Variants in PTPRT observed in about 807,000 individuals in gnomAD.
PTPRT encodes receptor-type tyrosine-protein phosphatase T.
Under a neutral mutation model 176.8 loss-of-function variants are expected in PTPRT, and 56 were observed. The ratio of observed to expected loss-of-function variants is 0.32; its 90% CI spans 0.26 to 0.40. The LOEUF is 0.40. Ranked by LOEUF, PTPRT falls within the 10% of genes least tolerant of loss-of-function variation. The pLI is 1.00. For synonymous variants in PTPRT, 783 were observed against 739.0 expected (o/e 1.06, Z -0.96); for missense variants, 1,540 against 1,908.2 (o/e 0.81, Z 3.60).
intron 15 of PTPRT, among the ~76,000 whole-genome samples, chr20:42,227,635 T>C (rs1349018969): frequency 7.5e-6 from 1 of 133,216 alleles, no homozygotes; most frequent in African/African-American, 2.9e-5. Flanking sequence ...TGAGACGGAG[T>C]TCACTCTTGT....
intron 1 of PTPRT, among the ~76,000 whole-genome samples, chr20:43,123,853 G>T (rs2013352945): frequency 1.3e-5 from 2 of 152,284 alleles, no homozygotes; most frequent in African/African-American, 4.8e-5. Context: ...AGTTCCTGAG[G>T]CTCGGTTTCC....
At chr20:42,518,864 C>G (rs752545304) in intron 7 of PTPRT, among the ~76,000 whole-genome samples, 2 of 152,136 alleles carry the variant, frequency 1.3e-5, no homozygotes, top group African/African-American at 2.4e-5. Flanking sequence ...CTTGCTTTCA[C>G]TATACCCTGT....
Position 42,448,276 on chromosome 20 carries a change from T to G in PTPRT, c.1504A>C (p.Ile502Leu). The G allele has an allele frequency of 6.2e-7, 1 of 1,613,646 alleles. No individual in the cohort carries two copies. Among genetic ancestry groups the G allele is most frequent in the African/African-American group, 1.3e-5 (1 of 75,002 alleles). ...TTGGGAGGTTTCCACTGGATGTAGA[T>G]CTTCTCCTCAAAGGGCCCCCCTTGG... Reference protein sequence around the residue: ...SIQGGPFEEKIYIQWKPPNET... With the variant: ...SIQGGPFEEKLYIQWKPPNET... Residue 502 changes from isoleucine to leucine, a missense_variant, in exon 9 of 31, where the codon ATC becomes CTC. Ile to Leu is a conservative substitution (Grantham distance 5, BLOSUM62 2). This residue lies in a region of PTPRT where 136 missense variants were observed against 135.0 expected (regional missense o/e 1.01). Transcript: ENST00000373187.
At chr20:42,524,121 G>A (rs541544072) in intron 7 of PTPRT, among the ~76,000 whole-genome samples, 1 of 152,144 alleles carries the variant, frequency 6.6e-6, no homozygotes, top group Non-Finnish European at 1.5e-5. Flanking sequence ...TGTTATGGTT[G>A]ACCAATAGTT....
chr20:43,101,479 A>G lies in PTPRT; in HGVS notation c.88+88167T>C, dbSNP rs539523366. Among the ~76,000 whole-genome samples, 57 of 152,248 alleles carry G rather than the reference A, an allele frequency of 3.7e-4. 1 individual carries two copies. The highest frequency in any genetic ancestry group is 1.3e-3 in the African/African-American group (53 of 41,482). Reference sequence around the variant, plus strand: ...CCTGAGTCTCCTAAACTGTACAATGAGGATTTTAATGCGTACCTCATAGCT... The same window carrying G: ...CCTGAGTCTCCTAAACTGTACAATGGGGATTTTAATGCGTACCTCATAGCT... On this transcript the variant is annotated intron_variant, in intron 1 of 30. Transcript: ENST00000373187.
chr20:42,749,277 G>A (rs1279519356), intron 6 of PTPRT, among the ~76,000 whole-genome samples: 2 of 152,056 alleles, frequency 1.3e-5, no homozygotes, highest in East Asian at 1.9e-4. Flanking sequence ...TACTTATCCA[G>A]CCCCAAACAT....
Position 42,756,564 on chromosome 20 carries a change from T to G in PTPRT, c.757A>C (p.Ser253Arg). 6.2e-7 allele frequency: 1 copy of G among 1,612,878 alleles called. No individual in the cohort carries two copies. ...VNHRRFSATV[S>R]VADTAQRSVS... ...CTCCGCTGGGCAGTGTCTGCCACAC[T>G]GACTGTGGCTGAGAAGCGCCTGTGG... is the stretch of plus-strand genomic sequence containing the variant. The change falls in exon 6 of 31, where the codon AGT becomes CGT. Residue 253 changes from serine to arginine, a missense_variant. Ser to Arg is a moderately radical substitution (Grantham distance 110). Transcript: ENST00000373187.
At chr20:42,227,957 C>T (rs2056055692) in intron 15 of PTPRT, among the ~76,000 whole-genome samples, 1 of 152,114 alleles carries the variant, frequency 6.6e-6, no homozygotes, top group Admixed American at 6.5e-5. Flanking sequence ...GAGTCCTCCA[C>T]AGGAATTTTC....
intron 11 of PTPRT, among the ~76,000 whole-genome samples, chr20:42,334,576 T>C (rs904629303): frequency 2.0e-5 from 3 of 152,230 alleles, no homozygotes; most frequent in Admixed American, 2.0e-4. Flanking sequence ...AGTGAAGCTG[T>C]GGTTGAACTG....
At chr20:42,538,349 T>G (rs1354127319) in intron 7 of PTPRT, among the ~76,000 whole-genome samples, 1 of 152,130 alleles carries the variant, frequency 6.6e-6, no homozygotes, top group Non-Finnish European at 1.5e-5. Context: ...TCAGATGTCA[T>G]CCTTGTACAA....
chr20:42,963,088 T>G (rs533761212), intron 1 of PTPRT, among the ~76,000 whole-genome samples: 1 of 152,114 alleles, frequency 6.6e-6, no homozygotes, highest in Non-Finnish European at 1.5e-5. Flanking sequence ...TAGTTCCAGC[T>G]ACTCGGGAGG....
chr20:42,841,790 GA>G (rs1192427371), intron 2 of PTPRT, among the ~76,000 whole-genome samples: 3 of 152,184 alleles, frequency 2.0e-5, no homozygotes, highest in African/African-American at 7.2e-5. Context: ...GTATCTTGCA[GA>G]ATAGCTAGTT....
chr20:42,496,891 A>G (rs62205769), intron 7 of PTPRT, among the ~76,000 whole-genome samples: 3,937 of 152,236 alleles, frequency 0.026, 95 homozygotes, highest in South Asian at 0.098. Flanking sequence ...TGTGTAATGA[A>G]ACTTAAAGAT....
chr20:42,963,154 G>T (rs992418005), intron 1 of PTPRT, among the ~76,000 whole-genome samples: 2 of 151,926 alleles, frequency 1.3e-5, no homozygotes, highest in Admixed American at 6.6e-5. Context: ...AGCTTAGATC[G>T]CACCACTGCG....
At position 42,481,804 on chromosome 20, in the gene PTPRT, A is replaced by AGTG. The variant is rs2071390540; in HGVS notation, c.1154-9243_1154-9242insCAC. ...CACACACACACACACACACACACAC[A>AGTG]CGCGCGCATGTATATATATGGTTAT... is the stretch of plus-strand genomic sequence containing the variant. On this transcript the variant is annotated intron_variant, in intron 7 of 30. Coordinates refer to ENST00000373187, the MANE Select transcript of PTPRT (RefSeq NM_007050.6). 4.2e-5 allele frequency among the ~76,000 whole-genome samples: 6 copies of AGTG among 142,880 alleles called. No individual in the cohort carries two copies. The South Asian group carries it at 6.6e-4, about 16-fold the overall frequency. 93.7% of individuals were successfully genotyped at this position (142,880 alleles called of 152,430 possible).
chr20:42,997,796 C>T (rs2146121786), intron 1 of PTPRT, among the ~76,000 whole-genome samples: 1 of 152,222 alleles, frequency 6.6e-6, no homozygotes, highest in Admixed American at 6.5e-5. Context: ...TTTCCAAAGT[C>T]ACACAGCTAA....
intron 7 of PTPRT, among the ~76,000 whole-genome samples, chr20:42,578,013 C>A (rs190448332): frequency 4.6e-5 from 7 of 151,120 alleles, no homozygotes; most frequent in Non-Finnish European, 1.0e-4. Flanking sequence ...GGAGGTGGGA[C>A]GCTAGCAAAC....
At position 42,085,183 on chromosome 20, in the gene PTPRT, T is replaced by A. The variant is rs116216540; in HGVS notation, c.3973-338A>T. Among the ~76,000 whole-genome samples the A allele has an allele frequency of 8.7e-3, 1,327 of 152,238 alleles. 24 individuals carry two copies. The highest frequency in any genetic ancestry group is 0.03 in the African/African-American group (1,257 of 41,506). ...ATGTGCCAGAACATGTCTCACTGTC[T>A]CAGTGGACAGTGAACTCTGAGCAGG... On this transcript the variant is annotated intron_variant, in intron 28 of 30. Transcript: ENST00000373187.
At chr20:42,576,686 A>G (rs2073268067) in intron 7 of PTPRT, among the ~76,000 whole-genome samples, 1 of 152,218 alleles carries the variant, frequency 6.6e-6, no homozygotes, top group Admixed American at 6.5e-5. Flanking sequence ...TCTTCTGTGT[A>G]TTATAAGGTG....
Sources: allele counts gnomAD v4.1 joint callset (sites outside exome capture counted in the v4.1 genomes callset), GRCh38; gene constraint gnomAD v4.1.1; regional missense constraint gnomAD v4.1.1; transcripts MANE v1.5; gene names NCBI Gene and HGNC (gene_info 2026-07-23, HGNC 2026-07-21).